ACADVL: variants seen among roughly 807,000 people sequenced by gnomAD.
ACADVL encodes very long-chain acyl-CoA dehydrogenase, mitochondrial.
ACADVL carries 73 observed loss-of-function variants against 80.4 expected under a neutral mutation model. The ratio of observed to expected loss-of-function variants is 0.91; its 90% confidence interval spans 0.75 to 1.10. The LOEUF is 1.10. Ranked by LOEUF, ACADVL falls within the 50% of genes least tolerant of loss-of-function variation. The probability of loss-of-function intolerance (pLI) is 0.00; values close to 1 mark genes in which losing one functional copy is unlikely to be tolerated. For synonymous variants in ACADVL, 392 were observed against 326.5 expected (o/e 1.20, Z -2.16); for missense variants, 878 against 858.9 (o/e 1.02, Z -0.28).
upstream of ACADVL, chr17:7,218,570 A>G: frequency 1.9e-6 from 3 of 1,565,246 alleles, no homozygotes; most frequent in South Asian, 1.2e-5. Flanking sequence ...GTCGCTATGC[A>G]GCACTGTGAG....
In ACADVL at chr17:7,220,699, C is replaced by T. The variant is rs761739412; in HGVS notation, c.277+23C>T. The T allele has an allele frequency of 1.9e-6, 3 of 1,614,188 alleles. No individual in the cohort carries two copies. In the South Asian group the frequency reaches 3.3e-5, roughly 18 times the overall value. ...CCGGTAAGGGAAGGGATAATCAGAGCTGGGTGGGGCCAGGGTGGTTTCCCC... is the reference window on the plus strand; with the variant it reads ...CCGGTAAGGGAAGGGATAATCAGAGTTGGGTGGGGCCAGGGTGGTTTCCCC... On this transcript the variant is annotated intron_variant, in intron 4 of 19. Transcript: ENST00000356839.
At chr17:7,217,186 G>C, upstream of ACADVL, 1 of 1,272,448 alleles carries the variant, frequency 7.9e-7, no homozygotes, top group Non-Finnish European at 1.0e-6. Flanking sequence ...AAGGGGCTCT[G>C]ACTTCATCGG....
At chr17:7,219,124 A>G (rs1450759287), upstream of ACADVL, 8 of 532,600 alleles carry the variant, frequency 1.5e-5, no homozygotes, top group Admixed American at 2.7e-4. Flanking sequence ...AAAGAAGCTG[A>G]GCCCAGCTCT....
chr17:7,222,089 G>A lies in ACADVL; in HGVS notation c.752+8G>A. On this transcript the variant is annotated splice_region_variant and intron_variant, in intron 8 of 19. Coordinates refer to ENST00000356839, the MANE Select transcript of ACADVL (RefSeq NM_000018.4). ...AAGCAAGCTTTGGATCAGGCAACCT[G>A]CCTCCCATTTCTCCCCTTCTCCTCC... 2 of 1,614,116 alleles carry A rather than the reference G, an allele frequency of 1.2e-6. No homozygotes were observed. The highest frequency in any genetic ancestry group is 8.5e-7 in the Non-Finnish European group (1 of 1,180,012).
At chr17:7,223,759 T>A (rs1597534434) in intron 12 of ACADVL, 29 bp downstream of exon 12, 16 of 1,613,410 alleles carry the variant, frequency 9.9e-6, no homozygotes, top group Non-Finnish European at 1.4e-5. Context: ...TGGGAGGGAG[T>A]CCAGTTTGGG....
chr17:7,224,088 TG>T lies in ACADVL; in HGVS notation c.1434+24del. ...CTGTATGGTAAGACAGAGAATTGGG[TG>T]GGGGTAGAGGTGGGGAGGACAGTGA... On this transcript the variant is annotated intron_variant, in intron 14 of 19. Transcript: ENST00000356839. The T allele has an allele frequency of 6.2e-7, 1 of 1,613,740 alleles. No homozygotes were observed. The highest frequency in any genetic ancestry group is 8.5e-7 in the Non-Finnish European group (1 of 1,179,812).
upstream of ACADVL, chr17:7,217,226 A>C (rs1174657071): frequency 4.5e-5 from 54 of 1,202,088 alleles, no homozygotes; most frequent in Middle Eastern, 3.3e-4. Flanking sequence ...GTGGGTTCTC[A>C]CCCCTCCCCC....
chr17:7,221,227 C>A, intron 6 of ACADVL, 169 bp downstream of exon 6: 1 of 1,204,550 alleles, frequency 8.3e-7, no homozygotes, highest in Non-Finnish European at 1.2e-6. Flanking sequence ...TACATGCAGT[C>A]CCCTAGGCCT....
At position 7,224,190 on chromosome 17, in the gene ACADVL, T is replaced by A; in HGVS notation, c.1479T>A (p.Asn493Lys). ...CTGGGCTTGGCAGTGCTCTAAAGAA[T>A]CCCTTTGGGAATGCTGGCCTCCTGC... Reference protein sequence around the residue: ...ELSGLGSALKNPFGNAGLLLG... With the variant: ...ELSGLGSALKKPFGNAGLLLG... Residue 493 changes from asparagine to lysine, a missense_variant, in exon 15 of 20, where the codon AAT becomes AAA. Asn to Lys is a moderately conservative substitution (Grantham distance 94, BLOSUM62 0). Transcript: ENST00000356839. The A allele has an allele frequency of 6.2e-7, 1 of 1,614,008 alleles. No individual in the cohort carries two copies. Among genetic ancestry groups the A allele is most frequent in the Non-Finnish European group, 8.5e-7 (1 of 1,179,990 alleles).
chr17:7,217,798 G>T (rs757466308), upstream of ACADVL: 14 of 1,535,298 alleles, frequency 9.1e-6, no homozygotes, highest in Non-Finnish European at 1.2e-5. Context: ...AGCCACCAGC[G>T]ATGACAGCAA....
Position 7,220,296 on chromosome 17 carries a change from TACTGCTCAGTCGCCGAA to T in ACADVL, c.138+101_138+117del, listed in dbSNP as rs2071132095. Reference sequence around the variant, plus strand: ...TCCCTCTTGGTGCCAGGTACCTGCCTACTGCTCAGTCGCCGAAAGTAGGGGAAAGGGCAAGCCAGGGT... The same window carrying T: ...TCCCTCTTGGTGCCAGGTACCTGCCTAGTAGGGGAAAGGGCAAGCCAGGGT... On this transcript the variant is annotated intron_variant, in intron 2 of 19. Coordinates refer to ENST00000356839, the MANE Select transcript of ACADVL (RefSeq NM_000018.4). The T allele has an allele frequency of 2.0e-6, 3 of 1,500,848 alleles. No individual in the cohort carries two copies. The East Asian group carries it at 7.4e-5, about 37-fold the overall frequency. The allele number at this position is 1,500,848 out of a possible 1,614,324, so 93.0% of individuals were successfully genotyped here.
chr17:7,217,231 TC>T (rs1359024880), upstream of ACADVL: 4 of 1,196,808 alleles, frequency 3.3e-6, no homozygotes, highest in African/African-American at 1.7e-5. Flanking sequence ...TTCTCACCCC[TC>T]CCCCCTCCGC....
In ACADVL at chr17:7,223,627, C is replaced by T; in HGVS notation, c.1183-17C>T. On this transcript the variant is annotated splice_polypyrimidine_tract_variant and intron_variant, in intron 11 of 19. Coordinates refer to ENST00000356839, the MANE Select transcript of ACADVL (RefSeq NM_000018.4). ...CTTTGCAATTTTCCTTCCCATGTCC[C>T]AACTATGCAACCTCAGTCCATGGCT... The T allele has an allele frequency of 2.5e-6, 4 of 1,613,922 alleles. No homozygotes were observed. The highest frequency in any genetic ancestry group is 3.4e-6 in the Non-Finnish European group (4 of 1,179,888).
At position 7,224,045 on chromosome 17, in the gene ACADVL, G is replaced by A. The variant is rs1281251073; in HGVS notation, c.1410G>A (p.Leu470=). 4 of 1,614,094 alleles carry A rather than the reference G, an allele frequency of 2.5e-6. No individual in the cohort carries two copies. The highest frequency in any genetic ancestry group is 3.4e-6 in the Non-Finnish European group (4 of 1,180,052). The change falls in exon 14 of 20, where the codon CTG becomes CTA. Residue 470 remains leucine, a synonymous_variant. Transcript: ENST00000356839. ...AGGGGACAAATGACATTCTTCGGCTGTTTGTGGCTCTGCAGGGCTGTATGG... is the reference window on the plus strand; with the variant it reads ...AGGGGACAAATGACATTCTTCGGCTATTTGTGGCTCTGCAGGGCTGTATGG... ...IFEGTNDILR[L]FVALQGCMDK...
At chr17:7,222,435 T>A in intron 9 of ACADVL, 133 bp downstream of exon 9, 1 of 1,370,610 alleles carries the variant, frequency 7.3e-7, no homozygotes, top group Admixed American at 2.2e-5. Flanking sequence ...CCTTTGGGAC[T>A]AATATGTATG....
Position 7,222,854 on chromosome 17 carries a change from A to G in ACADVL, c.1066A>G (p.Ile356Val), listed in dbSNP as rs150140386. Residue 356 changes from isoleucine (I) to valine (V), a missense_variant, in exon 10 of 20, where the codon ATT (isoleucine) becomes GTT (valine). By Grantham distance (29) the Ile-to-Val change is conservative. Coordinates refer to ENST00000356839, the MANE Select transcript of ACADVL (RefSeq NM_000018.4). ...AALAGTMRGI[I>V]AKAVDHATNR... is the part of the protein sequence containing the mutation. ...CCTGGCAGGTACCATGAGAGGCATC[A>G]TTGCTAAGGCGGTGAGTACCCTGCC... 5.1e-4 allele frequency: 829 copies of G among 1,612,152 alleles called. 5 individuals carry two copies. The African/African-American group carries it at 9.6e-3, about 19-fold the overall frequency.
chr17:7,220,534 G>A lies in ACADVL; in HGVS notation c.204+5G>A, dbSNP rs958328801. The A allele has an allele frequency of 6.2e-7, 1 of 1,614,204 alleles. No homozygotes were observed. On this transcript the variant is annotated splice_donor_5th_base_variant and intron_variant, in intron 3 of 19. Transcript: ENST00000356839. ...AGGAAAAAACCGGCCAAGGCGGTAG[G>A]TAGCCCCGAGGCCAGGTGGACCTTA...
rs2071256003 is a variant in ACADVL, at chr17:7,222,033, G to A, written c.704G>A (p.Ser235Asn). The A allele has an allele frequency of 6.2e-7, 1 of 1,614,118 alleles. No homozygotes were observed. Among genetic ancestry groups the A allele is most frequent in the Non-Finnish European group, 8.5e-7 (1 of 1,180,028 alleles). ...TCCATCCGAACCTCTGCTGTGCCCA[G>A]CCCCTGTGGAAAATACTATACCCTC... is the stretch of plus-strand genomic sequence containing the variant. Reference protein sequence around the residue: ...AASIRTSAVPSPCGKYYTLNG... With the variant: ...AASIRTSAVPNPCGKYYTLNG... Residue 235 changes from serine (S) to asparagine (N), a missense_variant, in exon 8 of 20, where the codon AGC (serine) becomes AAC (asparagine). Ser to Asn is a conservative substitution (Grantham distance 46). Transcript: ENST00000356839.
At chr17:7,221,329 C>G (rs777007345) in intron 6 of ACADVL, 2 of 944,950 alleles carry the variant, frequency 2.1e-6, no homozygotes, top group Non-Finnish European at 3.2e-6. Flanking sequence ...AAGTCACCCT[C>G]CTACCTAGAC....
Sources: gnomAD v4.1 joint callset for allele counts on GRCh38, gnomAD v4.1.1 for gene constraint, MANE v1.5 for transcripts, NCBI Gene and HGNC (gene_info 2026-07-23, HGNC 2026-07-21) for gene names.